CCDC136: variants seen among roughly 807,000 people sequenced by gnomAD.
The protein encoded by CCDC136 is coiled-coil domain containing 136.
A neutral mutation model predicts 141.2 loss-of-function variants in CCDC136; 100 were observed. The ratio of observed to expected loss-of-function variants is 0.71; its 90% CI spans 0.60 to 0.84. CCDC136 has a LOEUF of 0.84. Among genes scored for constraint, CCDC136 ranks in the 40% least tolerant of loss-of-function variants. CCDC136 has a pLI of 0.00. For missense variants in CCDC136, 1,206 were observed against 1,379.4 expected, an observed-to-expected ratio of 0.87 and a Z score of 1.99; for synonymous variants, 474 against 531.9, an observed-to-expected ratio of 0.89 and a Z score of 1.50.
intron 14 of CCDC136, 122 bp downstream of exon 14, chr7:128,813,051 G>A (rs1562973089): frequency 1.5e-6 from 1 of 682,712 alleles, no homozygotes; most frequent in South Asian, 1.8e-5. Flanking sequence ...CAGAGGCTGG[G>A]CAGTCTGCTC....
At chr7:128,811,584 T>C (rs1182167340) in intron 12 of CCDC136, among the ~76,000 whole-genome samples, 1 of 152,176 alleles carries the variant, frequency 6.6e-6, no homozygotes, top group Non-Finnish European at 1.5e-5. Context: ...CCGGAAATCA[T>C]GGAGTATCTG....
intron 10 of CCDC136, chr7:128,808,907 TG>T: frequency 2.0e-6 from 2 of 985,372 alleles, no homozygotes; most frequent in Non-Finnish European, 2.4e-6. Context: ...TCTGGGTTTT[TG>T]GAAATGGGAT....
chr7:128,811,763 C>G (rs371047880), intron 12 of CCDC136, 37 bp from the exon 13 acceptor site: 69 of 1,528,130 alleles, frequency 4.5e-5, no homozygotes, highest in Non-Finnish European at 5.6e-5. Flanking sequence ...ACTGAAGTGT[C>G]AGAGTAATGA....
intron 17 of CCDC136, among the ~76,000 whole-genome samples, chr7:128,819,333 G>A (rs935861329): frequency 6.6e-6 from 1 of 152,222 alleles, no homozygotes; most frequent in African/African-American, 2.4e-5. Flanking sequence ...GTGGTAGAAA[G>A]CGTGGCTGCC....
intron 10 of CCDC136, chr7:128,809,106 G>A: frequency 2.6e-6 from 1 of 383,288 alleles, no homozygotes; most frequent in Non-Finnish European, 3.8e-6. Flanking sequence ...CAACAGGGTG[G>A]GAATATGGTG....
intron 16 of CCDC136, among the ~76,000 whole-genome samples, chr7:128,816,931 T>G (rs1396592016): frequency 1.3e-5 from 2 of 152,198 alleles, no homozygotes; most frequent in East Asian, 3.8e-4. Context: ...CTGCTTACCT[T>G]GTGCCAGGGG....
chr7:128,795,752 T>C (rs1277341382), intron 3 of CCDC136, among the ~76,000 whole-genome samples: 1 of 152,176 alleles, frequency 6.6e-6, no homozygotes, highest in Non-Finnish European at 1.5e-5. Flanking sequence ...CTTTCTGAGA[T>C]GTCATTTCTT....
chr7:128,794,322 C>G lies in CCDC136; in HGVS notation c.17-26C>G, dbSNP rs1802626872. 6.4e-7 allele frequency: 1 copy of G among 1,551,764 alleles called. No homozygotes were observed. The highest frequency in any genetic ancestry group is 1.2e-5 in the South Asian group (1 of 83,986). On this transcript the variant is annotated intron_variant, in intron 1 of 17. Coordinates refer to ENST00000297788, the MANE Select transcript of CCDC136 (RefSeq NM_022742.5). This position sits in a 1 kb window ranked among gnomAD's most constrained non-coding sequence, Gnocchi z 4.3. The stretch of plus-strand genomic sequence containing the variant: ...GCAGAAAGGAAGTTGATGCTGACTC[C>G]TTGGTGGGATGGCTGTGTCTCCTAG...
At chr7:128,804,844 C>T (rs1473017073) in intron 5 of CCDC136, 83 bp downstream of exon 5, 2 of 839,208 alleles carry the variant, frequency 2.4e-6, no homozygotes. Context: ...AGGCAGATGC[C>T]AGGGCAGTGA....
chr7:128,818,883 CTCTTCTCACATTCCTG>C (rs1462337721), intron 17 of CCDC136, among the ~76,000 whole-genome samples: 1 of 152,224 alleles, frequency 6.6e-6, no homozygotes, highest in African/African-American at 2.4e-5. Flanking sequence ...CCACTCCCCT[CTCTTCTCACATTCCTG>C]TGAACGGAAT....
chr7:128,813,528 A>G (rs1806099977), intron 14 of CCDC136, among the ~76,000 whole-genome samples: 1 of 152,204 alleles, frequency 6.6e-6, no homozygotes, highest in Admixed American at 6.5e-5. Context: ...CCATCAGCCA[A>G]GGAAGACAAA....
At chr7:128,814,556 C>A in intron 14 of CCDC136, 82 bp from the exon 15 acceptor site, 1 of 1,100,728 alleles carries the variant, frequency 9.1e-7, no homozygotes, top group Non-Finnish European at 1.3e-6. Flanking sequence ...GACCCCCAAG[C>A]AGGGCTGAGT....
At chr7:128,791,420 C>T, upstream of CCDC136, 1 of 1,119,686 alleles carries the variant, frequency 8.9e-7, no homozygotes, top group East Asian at 3.3e-5. This position sits in a 1 kb window ranked among gnomAD's most constrained non-coding sequence, Gnocchi z 7.1. Flanking sequence ...CCTCCCTGCG[C>T]ACCCGGCTCG....
rs769344664 is a variant in CCDC136 at position 128,806,828 on chromosome 7, G to A, written c.1389G>A (p.Thr463=). The A allele has an allele frequency of 1.1e-5, 18 of 1,611,552 alleles. No individual in the cohort carries two copies. Among genetic ancestry groups the A allele is most frequent in the East Asian group, 4.5e-5 (2 of 44,848 alleles). Residue 463 remains threonine, a synonymous_variant, in exon 9 of 18, where the codon ACG becomes ACA. Coordinates refer to ENST00000297788, the MANE Select transcript of CCDC136 (RefSeq NM_022742.5). ...HEAELQHLRD[T]VASFKESNEK... is the part of the protein sequence containing the mutation. ...CAGAGCTGCAGCACCTCAGGGATAC[G>A]GTGGCCTCCTTCAAAGAGAGCAATG... is the stretch of plus-strand genomic sequence containing the variant.
intron 16 of CCDC136, 35 bp downstream of exon 16, chr7:128,815,966 T>C: frequency 6.3e-7 from 1 of 1,575,768 alleles, no homozygotes; most frequent in Non-Finnish European, 8.6e-7. Context: ...AAGTGGGAAG[T>C]GGGGTCTTGG....
chr7:128,807,377 T>C lies in CCDC136; in HGVS notation c.1437T>C (p.Ala479=), dbSNP rs753937954. ...ESNEKDTETH[A]QLQEMKQLYQ... ...CTGCCCAGGACACAGAGACGCACGC[T>C]CAGCTTCAGGAGATGAAGCAGCTGT... is the stretch of plus-strand genomic sequence containing the variant. The change falls in exon 10 of 18, where the codon GCT becomes GCC. Residue 479 remains alanine (A), a synonymous_variant. Coordinates refer to ENST00000297788, the MANE Select transcript of CCDC136 (RefSeq NM_022742.5). The C allele has an allele frequency of 1.9e-6, 3 of 1,550,062 alleles. No individual in the cohort carries two copies. The highest frequency in any genetic ancestry group is 2.8e-5 in the African/African-American group (2 of 72,430).
At chr7:128,799,793 TTC>T (rs1294326870) in intron 3 of CCDC136, among the ~76,000 whole-genome samples, 1 of 152,216 alleles carries the variant, frequency 6.6e-6, no homozygotes, top group Non-Finnish European at 1.5e-5. Context: ...TCCTCATTAA[TTC>T]TCTAATCCTG....
At position 128,810,326 on chromosome 7, in the gene CCDC136, A is replaced by T; in HGVS notation, c.1988A>T (p.Asp663Val). The part of the protein sequence containing the change: ...HFQEVLENPD[D>V]SKLAKSSKCN... Reference sequence around the variant, plus strand: ...CAGGAAGTGTTGGAGAATCCCGATGATTCCAAATTGGCTAAGTCCTCCAAA... The same window carrying T: ...CAGGAAGTGTTGGAGAATCCCGATGTTTCCAAATTGGCTAAGTCCTCCAAA... The change falls in exon 12 of 18, where the codon GAT (aspartate) becomes GTT (valine). Residue 663 changes from aspartate to valine, a missense_variant. Transcript: ENST00000297788. The T allele has an allele frequency of 1.2e-6, 2 of 1,613,996 alleles. No homozygotes were observed. Among genetic ancestry groups the T allele is most frequent in the Non-Finnish European group, 1.7e-6 (2 of 1,179,870 alleles).
upstream of CCDC136, chr7:128,791,675 C>T (rs1802186025): frequency 3.2e-6 from 2 of 616,824 alleles, no homozygotes; most frequent in Non-Finnish European, 4.7e-6. This position sits in a 1 kb window ranked among gnomAD's most constrained non-coding sequence, Gnocchi z 7.1. Flanking sequence ...AAGTCTTCCT[C>T]CCTCCATCCT....
Sources: gnomAD v4.1 joint callset for allele counts (sites outside exome capture counted in the v4.1 genomes callset) on GRCh38, gnomAD v4.1.1 for gene constraint, Gnocchi (gnomAD v3.1) non-coding constraint, MANE v1.5 for transcripts, NCBI Gene and HGNC (gene_info 2026-07-23, HGNC 2026-07-21) for gene names.